INVS: variants seen among roughly 807,000 people sequenced by gnomAD.
The protein encoded by INVS is inversin.
A neutral mutation model predicts 108.8 loss-of-function variants in INVS; 86 were observed. The ratio of observed to expected loss-of-function variants is 0.79; its 90% CI spans 0.66 to 0.95. INVS has a LOEUF of 0.95. INVS is among the 40% of genes least tolerant of loss of function. The probability of loss-of-function intolerance (pLI) is 0.00; values close to 1 mark genes in which losing one functional copy is unlikely to be tolerated. For synonymous variants in INVS, 455 were observed against 473.5 expected, an observed-to-expected ratio of 0.96 and a Z score of 0.51; for missense variants, 1,169 against 1,297.4, an observed-to-expected ratio of 0.90 and a Z score of 1.52.
intron 3 of INVS, among the ~76,000 whole-genome samples, chr9:100,136,610 T>C (rs1208244884): frequency 6.6e-6 from 1 of 152,208 alleles, no homozygotes; most frequent in African/African-American, 2.4e-5. Flanking sequence ...GGTTGATAAG[T>C]CTTTTAAGTC....
At chr9:100,159,674 C>T (rs1276905306) in intron 3 of INVS, among the ~76,000 whole-genome samples, 1 of 152,132 alleles carries the variant, frequency 6.6e-6, no homozygotes, top group Non-Finnish European at 1.5e-5. Flanking sequence ...AAAATATCTT[C>T]ATCACTGAGG....
chr9:100,288,169 C>T (rs1288477266), intron 13 of INVS, among the ~76,000 whole-genome samples: 1 of 152,206 alleles, frequency 6.6e-6, no homozygotes, highest in Non-Finnish European at 1.5e-5. Flanking sequence ...TCTCATATTA[C>T]TCCTGGTGGC....
intron 12 of INVS, among the ~76,000 whole-genome samples, chr9:100,282,197 T>C (rs531676308): frequency 6.6e-6 from 1 of 152,202 alleles, no homozygotes; most frequent in Non-Finnish European, 1.5e-5. Flanking sequence ...TGCTTCCACC[T>C]TCTTCTGAAA....
intron 4 of INVS, among the ~76,000 whole-genome samples, chr9:100,227,198 G>A (rs1043223098): frequency 1.3e-5 from 2 of 152,206 alleles, no homozygotes; most frequent in African/African-American, 2.4e-5. Flanking sequence ...GTGGTTATAG[G>A]TAATTAGTAA....
intron 8 of INVS, among the ~76,000 whole-genome samples, chr9:100,250,826 A>G (rs1832208764): frequency 6.6e-6 from 1 of 152,220 alleles, no homozygotes; most frequent in African/African-American, 2.4e-5. Context: ...TCACTCCACT[A>G]TATAAAGCCC....
chr9:100,197,422 A>G lies in INVS; in HGVS notation c.274-28640A>G, dbSNP rs1830411007. On this transcript the variant is annotated intron_variant, in intron 3 of 16. Coordinates refer to ENST00000262457, the MANE Select transcript of INVS (RefSeq NM_014425.5). ...ACACTGACTCTATCAAAATAAATAA[A>G]TAAAATAGAAAAAAGAAAAGATAAG... 2.0e-5 allele frequency among the ~76,000 whole-genome samples: 3 copies of G among 152,180 alleles called. No individual in the cohort carries two copies. The South Asian group carries it at 6.2e-4, about 32-fold the overall frequency.
At chr9:100,285,742 A>G (rs1833420984) in intron 13 of INVS, among the ~76,000 whole-genome samples, 1 of 152,242 alleles carries the variant, frequency 6.6e-6, no homozygotes, top group Non-Finnish European at 1.5e-5. Flanking sequence ...GAAAGCTCAC[A>G]TGAACCTAGG....
chr9:100,255,356 G>A (rs1588125422), intron 10 of INVS, among the ~76,000 whole-genome samples: 1 of 152,126 alleles, frequency 6.6e-6, no homozygotes, highest in Non-Finnish European at 1.5e-5. Context: ...CATGTCATCC[G>A]CAAACAGGGA....
intron 3 of INVS, among the ~76,000 whole-genome samples, chr9:100,150,915 A>T (rs940344166): frequency 6.6e-6 from 1 of 152,178 alleles, no homozygotes; most frequent in Admixed American, 6.5e-5. Context: ...AGTGAGGGGG[A>T]TTAAGAGAAC....
At chr9:100,174,690 A>G (rs1265623459) in intron 3 of INVS, among the ~76,000 whole-genome samples, 1 of 152,172 alleles carries the variant, frequency 6.6e-6, no homozygotes, top group Non-Finnish European at 1.5e-5. Context: ...AGGCAGGCAG[A>G]CCACCTGAGG....
intron 3 of INVS, among the ~76,000 whole-genome samples, chr9:100,225,260 G>A (rs1023112516): frequency 1.3e-4 from 19 of 151,592 alleles, no homozygotes; most frequent in Non-Finnish European, 2.4e-4. Flanking sequence ...GTGCTGGCCA[G>A]GATGGTCTCA....
chr9:100,117,537 TGCCACTGCGGAAACCTCCGCGGAA>T (rs1827576820), intron 2 of INVS: 1 of 1,065,840 alleles, frequency 9.4e-7, no homozygotes, highest in Non-Finnish European at 1.4e-6. Context: ...CGGCCCCGGA[TGCCACTGCGGAAACCTCCGCGGAA>T]GCCACCGCGG....
chr9:100,133,788 C>CACACACACACACACACACACACACAT (rs1828128297), intron 3 of INVS, among the ~76,000 whole-genome samples: 1 of 151,390 alleles, frequency 6.6e-6, no homozygotes, highest in East Asian at 1.9e-4. Flanking sequence ...CACACACACA[C>CACACACACACACACACACACACACAT]ACACACACAC....
chr9:100,117,925 G>A (rs1047956619), intron 2 of INVS, among the ~76,000 whole-genome samples: 31 of 151,958 alleles, frequency 2.0e-4, no homozygotes, highest in African/African-American at 7.5e-4. Flanking sequence ...TTTCATGTGA[G>A]GATATCAGAA....
chr9:100,202,327 A>G (rs1172964254), intron 3 of INVS, among the ~76,000 whole-genome samples: 1 of 152,122 alleles, frequency 6.6e-6, no homozygotes, highest in African/African-American at 2.4e-5. Flanking sequence ...AGGAATTGAA[A>G]TTTCAGGTGG....
chr9:100,183,058 A>T (rs572907078), intron 3 of INVS, among the ~76,000 whole-genome samples: 2 of 152,224 alleles, frequency 1.3e-5, no homozygotes, highest in African/African-American at 4.8e-5. Context: ...CTCACTCATA[A>T]ATGGGAGTTG....
At chr9:100,238,092 T>A (rs777511064) in intron 5 of INVS, among the ~76,000 whole-genome samples, 2 of 152,120 alleles carry the variant, frequency 1.3e-5, no homozygotes, top group Non-Finnish European at 2.9e-5. Context: ...TTGGCCAGAC[T>A]GGTTTTGAAC....
At chr9:100,151,194 T>A (rs1828796742) in intron 3 of INVS, among the ~76,000 whole-genome samples, 1 of 151,956 alleles carries the variant, frequency 6.6e-6, no homozygotes, top group Non-Finnish European at 1.5e-5. Flanking sequence ...ACAAGAAAAT[T>A]AGTATAAATT....
intron 2 of INVS, among the ~76,000 whole-genome samples, chr9:100,121,155 A>G (rs1827717521): frequency 6.6e-6 from 1 of 152,166 alleles, no homozygotes; most frequent in Admixed American, 6.5e-5. Flanking sequence ...TACAATTTCT[A>G]CCTCGGACCT....
Sources: gnomAD v4.1 joint callset for allele counts (sites outside exome capture counted in the v4.1 genomes callset) on GRCh38, gnomAD v4.1.1 for gene constraint, MANE v1.5 for transcripts, NCBI Gene and HGNC (gene_info 2026-07-23, HGNC 2026-07-21) for gene names.